The following SCAI variants were observed in gnomAD, a reference collection of about 807,000 sequenced individuals.
SCAI encodes the protein suppressor of cancer cell invasion, also known as protein SCAI.
In SCAI, 24 loss-of-function variants were observed where a neutral mutation model predicts 92.2. That is an observed-to-expected ratio of 0.26 (90% CI 0.19 to 0.37). SCAI has a LOEUF of 0.37. Ranked by LOEUF, SCAI falls within the 10% of genes least tolerant of loss-of-function variation. SCAI has a pLI of 1.00. For missense variants in SCAI, 450 were observed against 736.2 expected (o/e 0.61, Z 4.50); for synonymous variants, 261 against 258.6 (o/e 1.01, Z -0.09).
Position 124,976,172 on chromosome 9 carries a change from C to G in SCAI, c.1341G>C (p.Leu447Phe). The G allele has an allele frequency of 6.2e-7, 1 of 1,610,486 alleles. No individual in the cohort carries two copies. The highest frequency in any genetic ancestry group is 8.5e-7 in the Non-Finnish European group (1 of 1,176,772). The change falls in exon 15 of 18, where the codon TTG becomes TTC. Residue 447 changes from leucine to phenylalanine, a missense_variant. Coordinates refer to ENST00000336505, the MANE Select transcript of SCAI (RefSeq NM_001144877.3). ...GCAAGCAGACTAGTGGCTGTCCAAA[C>G]AAGTTTGTGAAATTCTGTAATATAT... ...NSVAYKNFTNLFGQPLVCLLS... is the reference protein window; with the variant it reads ...NSVAYKNFTNFFGQPLVCLLS...
At chr9:125,096,556 C>A (rs1233822719) in intron 2 of SCAI, among the ~76,000 whole-genome samples, 1 of 151,672 alleles carries the variant, frequency 6.6e-6, no homozygotes, top group African/African-American at 2.4e-5. Context: ...CCAAAGTTGT[C>A]TACCTTGAGG....
intron 2 of SCAI, chr9:125,066,038 C>A: frequency 1.3e-6 from 1 of 770,666 alleles, no homozygotes; most frequent in Non-Finnish European, 2.4e-6. Context: ...TGAATGACTG[C>A]TATCACCAGA....
chr9:125,110,465 A>G (rs1225018164), intron 2 of SCAI, among the ~76,000 whole-genome samples: 1 of 152,148 alleles, frequency 6.6e-6, no homozygotes, highest in Non-Finnish European at 1.5e-5. Context: ...GACGACTGAT[A>G]TGGTTTGCAT....
chr9:125,043,238 T>C (rs572150899), intron 3 of SCAI, among the ~76,000 whole-genome samples: 2 of 152,322 alleles, frequency 1.3e-5, no homozygotes, highest in East Asian at 1.9e-4. Flanking sequence ...ATAAGCCAAC[T>C]TCTCTGAATC....
Position 125,086,485 on chromosome 9 carries a change from A to G in SCAI, c.99-30478T>C, listed in dbSNP as rs75651531. ...ATGCTGAATAGCTGGCATTACAAAG[A>G]TGAAAAAAGGTCACCATTCAATCTT... On this transcript the variant is annotated intron_variant, in intron 2 of 17. Coordinates refer to ENST00000336505, the MANE Select transcript of SCAI (RefSeq NM_001144877.3). 9.8e-5 allele frequency among the ~76,000 whole-genome samples: 15 copies of G among 152,336 alleles called. No individual in the cohort carries two copies. In the East Asian group the frequency reaches 2.5e-3, roughly 25 times the overall value.
chr9:125,021,089 C>T (rs772017101), intron 6 of SCAI, among the ~76,000 whole-genome samples: 1 of 152,060 alleles, frequency 6.6e-6, no homozygotes, highest in Non-Finnish European at 1.5e-5. Context: ...TTAAAATATA[C>T]AGGAGAGAGA....
chr9:125,014,737 C>CA (rs577713850), intron 9 of SCAI, among the ~76,000 whole-genome samples: 2 of 152,208 alleles, frequency 1.3e-5, no homozygotes, highest in Non-Finnish European at 1.5e-5. Flanking sequence ...AATCCTAAGC[C>CA]AAAACAACAA....
At chr9:124,963,970 G>A (rs564214889) in intron 17 of SCAI, among the ~76,000 whole-genome samples, 23 of 147,282 alleles carry the variant, frequency 1.6e-4, no homozygotes, top group Non-Finnish European at 4.4e-5. Flanking sequence ...GGAGGCAGGA[G>A]AGACAGGCAA....
intron 11 of SCAI, among the ~76,000 whole-genome samples, chr9:125,002,402 C>T (rs1832378681): frequency 6.6e-6 from 1 of 151,782 alleles, no homozygotes; most frequent in Non-Finnish European, 1.5e-5. Context: ...TCCTATTTCT[C>T]ACAGTTCTTT....
chr9:124,953,856 T>G (rs1390856507), intron 17 of SCAI, among the ~76,000 whole-genome samples: 1 of 152,242 alleles, frequency 6.6e-6, no homozygotes, highest in Non-Finnish European at 1.5e-5. Context: ...CCTATAGGAC[T>G]CACTCACACA....
intron 2 of SCAI, among the ~76,000 whole-genome samples, chr9:125,098,915 C>G (rs560905392): frequency 6.6e-6 from 1 of 151,856 alleles, no homozygotes; most frequent in African/African-American, 2.4e-5. Context: ...AGAACATCTA[C>G]GACATCAAAA....
At chr9:124,977,249 A>G (rs1176068041) in intron 14 of SCAI, among the ~76,000 whole-genome samples, 1 of 152,202 alleles carries the variant, frequency 6.6e-6, no homozygotes, top group African/African-American at 2.4e-5. Flanking sequence ...CAACCTCAAT[A>G]AAAATAACCA....
At chr9:125,071,054 CTT>C (rs1030109839) in intron 2 of SCAI, among the ~76,000 whole-genome samples, 5 of 152,130 alleles carry the variant, frequency 3.3e-5, no homozygotes, top group Admixed American at 1.3e-4. Context: ...CATTTTCTCT[CTT>C]GTCTGCCACC....
chr9:125,021,643 T>C (rs1302512391), intron 6 of SCAI, among the ~76,000 whole-genome samples: 1 of 152,212 alleles, frequency 6.6e-6, no homozygotes, highest in Non-Finnish European at 1.5e-5. Context: ...ATATCCTACA[T>C]CACAAATAAT....
At chr9:125,051,197 AT>A (rs1197219787) in intron 3 of SCAI, among the ~76,000 whole-genome samples, 4 of 151,406 alleles carry the variant, frequency 2.6e-5, no homozygotes, top group Non-Finnish European at 2.9e-5. Flanking sequence ...TAATTTTTGT[AT>A]TTTTAGTAGA....
chr9:125,047,999 AT>A (rs963395060), intron 3 of SCAI, among the ~76,000 whole-genome samples: 19 of 151,036 alleles, frequency 1.3e-4, no homozygotes, highest in African/African-American at 4.1e-4. Context: ...TTTTTTTGAG[AT>A]GGAATTTCAC....
chr9:125,037,231 T>C (rs1160552062), intron 3 of SCAI, among the ~76,000 whole-genome samples: 2 of 151,098 alleles, frequency 1.3e-5, no homozygotes, highest in Non-Finnish European at 2.9e-5. Context: ...ACCGCACCAC[T>C]GCACTCCAGG....
intron 14 of SCAI, among the ~76,000 whole-genome samples, chr9:124,984,463 G>A (rs1831947343): frequency 6.6e-6 from 1 of 152,192 alleles, no homozygotes; most frequent in African/African-American, 2.4e-5. Flanking sequence ...AGTAATTCAG[G>A]TGAATGATGA....
intron 2 of SCAI, among the ~76,000 whole-genome samples, chr9:125,087,950 G>GTA (rs765522944): frequency 1.2e-4 from 19 of 152,134 alleles, no homozygotes; most frequent in Admixed American, 2.6e-4. Flanking sequence ...TATACGTAAA[G>GTA]TATATAACTG....
Sources: allele counts gnomAD v4.1 joint callset (sites outside exome capture counted in the v4.1 genomes callset), GRCh38; gene constraint gnomAD v4.1.1; transcripts MANE v1.5; gene names NCBI Gene and HGNC (gene_info 2026-07-23, HGNC 2026-07-21).